Variants in ZFHX3 observed in about 807,000 individuals in gnomAD.
ZFHX3 encodes the protein zinc finger homeobox protein 3.
ZFHX3 carries 42 observed loss-of-function variants against 279.1 expected under a neutral mutation model. That is an observed-to-expected ratio of 0.15 (90% CI 0.12 to 0.19). The LOEUF (loss-of-function observed/expected upper bound fraction) is 0.19. Among genes scored for constraint, ZFHX3 ranks in the 10% least tolerant of loss-of-function variants. The pLI is 1.00. For missense variants in ZFHX3, 4,981 were observed against 4,754.0 expected, an observed-to-expected ratio of 1.05 and a Z score of -1.40; for synonymous variants, 2,293 against 1,957.8, an observed-to-expected ratio of 1.17 and a Z score of -4.52.
intron 2 of ZFHX3, among the ~76,000 whole-genome samples, chr16:73,466,448 C>T (rs1281679552): frequency 6.6e-6 from 1 of 152,226 alleles, no homozygotes; most frequent in Non-Finnish European, 1.5e-5. Context: ...CACCACTGCG[C>T]TCCAGCTTGG....
At chr16:73,147,111 A>G (rs551700117) in intron 5 of ZFHX3, among the ~76,000 whole-genome samples, 2 of 152,228 alleles carry the variant, frequency 1.3e-5, no homozygotes, top group African/African-American at 4.8e-5. Flanking sequence ...ATTGTAGGAT[A>G]AGCCATGTTG....
chr16:73,172,986 CTGTTTTTTTGTTTTTTTTTT>C (rs1253947587), intron 5 of ZFHX3, among the ~76,000 whole-genome samples: 2,331 of 46,978 alleles, frequency 0.05, 59 homozygotes, highest in Middle Eastern at 0.062. Context: ...CCTGATGGGA[CTGTTTTTTTGTTTTTTTTTT>C]TGTTTTTTTT....
intron 2 of ZFHX3, among the ~76,000 whole-genome samples, chr16:73,669,694 A>T (rs1567547381): frequency 6.6e-6 from 1 of 152,220 alleles, no homozygotes; most frequent in Non-Finnish European, 1.5e-5. Flanking sequence ...TTTTCTTTTC[A>T]CTAGCTCTAG....
chr16:72,982,643 G>A (rs554421700), intron 1 of ZFHX3, among the ~76,000 whole-genome samples: 1 of 152,304 alleles, frequency 6.6e-6, no homozygotes, highest in African/African-American at 2.4e-5. Context: ...GAACAGTGAT[G>A]GCAAGACATT....
chr16:72,970,299 C>A (rs1962047351), intron 1 of ZFHX3, among the ~76,000 whole-genome samples: 1 of 151,732 alleles, frequency 6.6e-6, no homozygotes, highest in East Asian at 1.9e-4. Context: ...TAATAAAAAG[C>A]AAGACAAACC....
At chr16:72,882,020 T>A (rs534218829) in intron 4 of ZFHX3, among the ~76,000 whole-genome samples, 1 of 152,204 alleles carries the variant, frequency 6.6e-6, no homozygotes, top group South Asian at 2.1e-4. Flanking sequence ...GGTCCCCATG[T>A]CACTGGGCTC....
intron 2 of ZFHX3, among the ~76,000 whole-genome samples, chr16:73,465,628 C>T (rs1382442141): frequency 6.6e-6 from 1 of 152,142 alleles, no homozygotes; most frequent in Admixed American, 6.5e-5. Flanking sequence ...AGTCCTGCAC[C>T]CCAGGTGAGG....
intron 3 of ZFHX3, among the ~76,000 whole-genome samples, chr16:73,356,794 A>G (rs564958586): frequency 6.6e-6 from 1 of 150,760 alleles, no homozygotes; most frequent in East Asian, 1.9e-4. Context: ...CATCCTATAC[A>G]TGAAGGCTGT....
intron 5 of ZFHX3, among the ~76,000 whole-genome samples, chr16:73,248,980 T>C (rs2013396269): frequency 6.6e-6 from 1 of 152,216 alleles, no homozygotes; most frequent in Non-Finnish European, 1.5e-5. Flanking sequence ...GGGAATTAGA[T>C]ACGTTTTCAT....
chr16:73,221,472 A>G, intron 5 of ZFHX3, among the ~76,000 whole-genome samples: 1 of 151,728 alleles, frequency 6.6e-6, no homozygotes, highest in East Asian at 1.9e-4. Context: ...CTAATCTGTA[A>G]CCTCTTAAAA....
chr16:73,257,627 T>C (rs59154229), intron 4 of ZFHX3, among the ~76,000 whole-genome samples: 1,952 of 152,354 alleles, frequency 0.013, 35 homozygotes, highest in African/African-American at 0.035. Flanking sequence ...GATTGACTCA[T>C]TCATTCATTC....
chr16:73,793,442 T>A lies in ZFHX3; in HGVS notation c.-1608+98209A>T, dbSNP rs544115477. On this transcript the variant is annotated intron_variant, in intron 1 of 17. Transcript: ENST00000641206. ...AAACATCATCATTTCCAGGCTTCAA[T>A]GTCAGCATCTGTGCCTGGTACCTTG... 5.9e-4 allele frequency among the ~76,000 whole-genome samples: 90 copies of A among 152,358 alleles called. 1 individual carries two copies. Among genetic ancestry groups the A allele is most frequent in the Non-Finnish European group, 1.0e-3 (70 of 68,030 alleles).
At chr16:72,905,448 T>C (rs989039910) in intron 3 of ZFHX3, among the ~76,000 whole-genome samples, 7 of 152,136 alleles carry the variant, frequency 4.6e-5, no homozygotes, top group African/African-American at 1.4e-4. Flanking sequence ...TCCCTAGCTA[T>C]GTTATTTACA....
chr16:73,686,089 C>CTTATTTAT (rs71374579), intron 1 of ZFHX3, among the ~76,000 whole-genome samples: 34 of 151,830 alleles, frequency 2.2e-4, no homozygotes, highest in Admixed American at 7.2e-4. Context: ...TCAGACATTT[C>CTTATTTAT]TTATTTATTT....
chr16:72,832,316 C>T (rs2037078667), intron 4 of ZFHX3, among the ~76,000 whole-genome samples: 1 of 152,100 alleles, frequency 6.6e-6, no homozygotes, highest in African/African-American at 2.4e-5. Flanking sequence ...ATGCATCAAG[C>T]ATGGAAACTG....
intron 3 of ZFHX3, chr16:73,400,801 T>G (rs1484385915): frequency 6.6e-6 from 1 of 152,204 alleles, no homozygotes; most frequent in Admixed American, 6.5e-5. Flanking sequence ...GGGATAACGC[T>G]GAGGAGCTGG....
intron 3 of ZFHX3, among the ~76,000 whole-genome samples, chr16:72,902,449 G>T (rs2039062921): frequency 6.6e-6 from 1 of 152,174 alleles, no homozygotes; most frequent in Admixed American, 6.5e-5. Flanking sequence ...TCCTCGCATG[G>T]CCCTGATAAA....
chr16:73,318,411 C>G (rs373679234), intron 3 of ZFHX3: 1 of 152,368 alleles, frequency 6.6e-6, no homozygotes, highest in African/African-American at 2.4e-5. Context: ...GACCTAAACC[C>G]CAGGTCAGCA....
exon 1 of ZFHX3, chr16:73,059,521 CCTTTCTCT>C (rs1188334486): frequency 6.3e-5 from 4 of 63,976 alleles, no homozygotes; most frequent in African/African-American, 2.2e-4. Context: ...ATTATTTTCC[CCTTTCTCT>C]CTCTCTCTCT....
Sources: allele counts gnomAD v4.1 joint callset (sites outside exome capture counted in the v4.1 genomes callset), GRCh38; gene constraint gnomAD v4.1.1; transcripts MANE v1.5; gene names NCBI Gene and HGNC (gene_info 2026-07-23, HGNC 2026-07-21).